CATSPERE: variants seen among roughly 807,000 people sequenced by gnomAD.
The protein encoded by CATSPERE is catsper channel auxiliary subunit epsilon.
CATSPERE carries 93 observed loss-of-function variants against 114.1 expected under a neutral mutation model. The ratio of observed to expected loss-of-function variants is 0.81; its 90% confidence interval spans 0.69 to 0.97. The LOEUF (loss-of-function observed/expected upper bound fraction) is 0.97. Among genes scored for constraint, CATSPERE ranks in the 50% least tolerant of loss-of-function variants. The probability of loss-of-function intolerance (pLI) is 0.00; values close to 1 mark genes in which losing one functional copy is unlikely to be tolerated. For missense variants in CATSPERE, 1,058 were observed against 1,131.6 expected (o/e 0.93, Z 0.93); for synonymous variants, 341 against 384.1 (o/e 0.89, Z 1.31).
intron 20 of CATSPERE, among the ~76,000 whole-genome samples, chr1:244,627,486 G>T (rs1000868736): frequency 2.6e-5 from 4 of 151,976 alleles, no homozygotes; most frequent in African/African-American, 9.7e-5. Flanking sequence ...TGAGAGGGAG[G>T]ATCACTTGAG....
intron 8 of CATSPERE, among the ~76,000 whole-genome samples, chr1:244,537,271 T>C (rs1680525717): frequency 6.6e-6 from 1 of 152,240 alleles, no homozygotes; most frequent in South Asian, 2.1e-4. Flanking sequence ...ATGCTTTTCT[T>C]GCATCTACTA....
intron 20 of CATSPERE, among the ~76,000 whole-genome samples, chr1:244,621,128 A>G (rs55902556): frequency 2.8e-5 from 1 of 35,858 alleles, no homozygotes; most frequent in Non-Finnish European, 5.8e-5. Context: ...TATATATATA[A>G]ATATATATAA....
At chr1:244,639,518 C>T (rs1573151351) in intron 21 of CATSPERE, among the ~76,000 whole-genome samples, 2 of 152,102 alleles carry the variant, frequency 1.3e-5, no homozygotes, top group African/African-American at 2.4e-5. Flanking sequence ...GGTGAAACCC[C>T]GTCTCTACTA....
At chr1:244,635,692 A>G (rs1674547760) in intron 21 of CATSPERE, 150 bp downstream of exon 21, 1 of 604,672 alleles carries the variant, frequency 1.7e-6, no homozygotes, top group African/African-American at 1.9e-5. Flanking sequence ...TATTATGAAA[A>G]TTATTATTAT....
chr1:244,460,082 A>C (rs1666531402), upstream of CATSPERE, among the ~76,000 whole-genome samples: 2 of 152,228 alleles, frequency 1.3e-5, no homozygotes, highest in African/African-American at 4.8e-5. Context: ...CTTGCTTCTA[A>C]CCTCAAAGCT....
chr1:244,500,229 A>G (rs915831013), intron 7 of CATSPERE, among the ~76,000 whole-genome samples: 2 of 152,058 alleles, frequency 1.3e-5, no homozygotes, highest in African/African-American at 2.4e-5. Context: ...AGTCCCTTGT[A>G]GATTCTGGAT....
intron 19 of CATSPERE, among the ~76,000 whole-genome samples, chr1:244,616,261 A>G (rs1671386696): frequency 6.6e-6 from 1 of 152,244 alleles, no homozygotes; most frequent in Non-Finnish European, 1.5e-5. Flanking sequence ...TAATCATGAT[A>G]ACATTTTTGT....
intron 17 of CATSPERE, among the ~76,000 whole-genome samples, chr1:244,605,083 C>T (rs1669802702): frequency 6.6e-6 from 1 of 152,196 alleles, no homozygotes; most frequent in African/African-American, 2.4e-5. Context: ...TTACTGACAC[C>T]ACTGATCCTT....
chr1:244,513,496 G>A (rs771938431), intron 7 of CATSPERE, among the ~76,000 whole-genome samples: 6 of 152,228 alleles, frequency 3.9e-5, no homozygotes, highest in Non-Finnish European at 5.9e-5. Flanking sequence ...TGGACAACAT[G>A]CATATACACT....
At position 244,588,462 on chromosome 1, in the gene CATSPERE, C is replaced by A. The variant is rs777937478; in HGVS notation, c.2086-20C>A. 1.3e-6 allele frequency: 2 copies of A among 1,593,730 alleles called. No individual in the cohort carries two copies. Among genetic ancestry groups the A allele is most frequent in the Non-Finnish European group, 1.7e-6 (2 of 1,161,746 alleles). ...TGAATCAGAACTGCTGAACTCACTA[C>A]CTAAGTTACTTCATTTTAGGTGTTC... On this transcript the variant is annotated intron_variant, in intron 13 of 21. Transcript: ENST00000366534.
intron 10 of CATSPERE, 132 bp from the exon 11 acceptor site, chr1:244,572,190 TATCTGCAC>T (rs1183401476): frequency 4.8e-6 from 3 of 622,962 alleles, no homozygotes; most frequent in Non-Finnish European, 5.8e-6. Flanking sequence ...TATGGGTTCA[TATCTGCAC>T]ATTCTAACTT....
intron 20 of CATSPERE, among the ~76,000 whole-genome samples, chr1:244,624,527 G>A (rs1370128657): frequency 6.6e-6 from 1 of 152,144 alleles, no homozygotes; most frequent in Non-Finnish European, 1.5e-5. Flanking sequence ...AACGCTGGGT[G>A]TGGTGGCTCA....
At chr1:244,545,106 C>G (rs1170540130) in intron 8 of CATSPERE, among the ~76,000 whole-genome samples, 1 of 152,136 alleles carries the variant, frequency 6.6e-6, no homozygotes, top group Non-Finnish European at 1.5e-5. Flanking sequence ...GCAAAAGTGG[C>G]AGTGACCCTA....
At chr1:244,595,789 C>T (rs992938743) in intron 17 of CATSPERE, among the ~76,000 whole-genome samples, 4 of 152,108 alleles carry the variant, frequency 2.6e-5, no homozygotes, top group African/African-American at 7.2e-5. Context: ...AAAAATTAGC[C>T]GGGCGTGGTG....
chr1:244,454,141 CCTT>C (rs1316083274), upstream of CATSPERE, among the ~76,000 whole-genome samples: 1 of 152,066 alleles, frequency 6.6e-6, no homozygotes. Flanking sequence ...TCAAAACCCT[CCTT>C]ATTTGTCTGG....
At chr1:244,507,632 C>A (rs1256550029) in intron 7 of CATSPERE, among the ~76,000 whole-genome samples, 1 of 151,970 alleles carries the variant, frequency 6.6e-6, no homozygotes, top group Admixed American at 6.6e-5. Context: ...ACCTTTAAGT[C>A]TTTAATTCAT....
intron 7 of CATSPERE, among the ~76,000 whole-genome samples, chr1:244,506,910 C>A (rs1275204261): frequency 1.3e-5 from 2 of 152,164 alleles, no homozygotes; most frequent in Non-Finnish European, 2.9e-5. Flanking sequence ...TCACCACCAC[C>A]CCCACCAGCC....
Position 244,461,386 on chromosome 1 carries a change from G to C in CATSPERE, c.-44G>C. The stretch of plus-strand genomic sequence containing the variant: ...GTCCCACGGGAATGCGCGAGGCCTG[G>C]ACGGGAGTGGCCGAGGCGGTTGGGC... On this transcript the variant is annotated 5_prime_UTR_variant, in exon 1 of 22. Transcript: ENST00000366534. The C allele has an allele frequency of 7.5e-7, 1 of 1,329,490 alleles. No homozygotes were observed. Among genetic ancestry groups the C allele is most frequent in the South Asian group, 2.1e-5 (1 of 46,928 alleles). The allele number at this position is 1,329,490 out of a possible 1,614,324, so 82.4% of individuals were successfully genotyped here.
At position 244,477,477 on chromosome 1, in the gene CATSPERE, A is replaced by G. The variant is rs889543661; in HGVS notation, c.115-64A>G. On this transcript the variant is annotated intron_variant, in intron 2 of 21. Transcript: ENST00000366534. The stretch of plus-strand genomic sequence containing the variant: ...AGGACCCAGAAAATTGAATCCTACA[A>G]CGGAACCCTGAGGTGAAAAGTTTGA... The G allele has an allele frequency of 9.1e-6, 8 of 883,886 alleles. No individual in the cohort carries two copies. In the East Asian group the frequency reaches 1.7e-4, roughly 19 times the overall value. 54.8% of individuals were successfully genotyped at this position (883,886 alleles called of 1,614,324 possible).
Sources: allele counts gnomAD v4.1 joint callset (sites outside exome capture counted in the v4.1 genomes callset), GRCh38; gene constraint gnomAD v4.1.1; transcripts MANE v1.5; gene names NCBI Gene and HGNC (gene_info 2026-07-23, HGNC 2026-07-21).